PGR: variants seen among roughly 807,000 people sequenced by gnomAD.
The protein encoded by PGR is progesterone receptor.
PGR carries 25 observed loss-of-function variants against 76.1 expected under a neutral mutation model. That is an observed-to-expected ratio of 0.33 (90% CI 0.24 to 0.46). The LOEUF (loss-of-function observed/expected upper bound fraction) is 0.46. Among genes scored for constraint, PGR ranks in the 20% least tolerant of loss-of-function variants. The pLI is 1.00. For synonymous variants in PGR, 579 were observed against 535.0 expected, an observed-to-expected ratio of 1.08 and a Z score of -1.14; for missense variants, 1,172 against 1,225.3, an observed-to-expected ratio of 0.96 and a Z score of 0.65.
At chr11:101,103,190 T>C (rs1012505210) in intron 2 of PGR, among the ~76,000 whole-genome samples, 6 of 151,928 alleles carry the variant, frequency 3.9e-5, no homozygotes, top group African/African-American at 1.5e-4. Context: ...GTCAGTATGG[T>C]ATGACCCACA....
chr11:101,046,576 A>G (rs2135387000), intron 6 of PGR, among the ~76,000 whole-genome samples: 1 of 151,844 alleles, frequency 6.6e-6, no homozygotes, highest in Middle Eastern at 3.4e-3. Context: ...AAATTATCAA[A>G]GTTTTACTTT....
In PGR at chr11:101,128,016, G is replaced by A. The variant is rs11571148; in HGVS notation, c.1055C>T (p.Pro352Leu). The stretch of plus-strand genomic sequence containing the variant: ...GTCGGGGAAGTCGCCTACAGCGACC[G>A]GGGTGGACGAGGCACAGGGTGAACT... ...PRSSPCASST[P>L]VAVGDFPDCA... Residue 352 changes from proline (P) to leucine (L), a missense_variant, in exon 1 of 8, where the codon CCG becomes CTG. Physicochemically the swap from Pro to Leu is moderately conservative, Grantham distance 98. Transcript: ENST00000325455. 3.1e-6 allele frequency: 5 copies of A among 1,609,658 alleles called. No homozygotes were observed. In the South Asian group the frequency reaches 3.3e-5, roughly 11 times the overall value.
At chr11:101,107,774 T>C (rs1862210642) in intron 2 of PGR, among the ~76,000 whole-genome samples, 1 of 151,784 alleles carries the variant, frequency 6.6e-6, no homozygotes, top group South Asian at 2.1e-4. Flanking sequence ...AACTTCATTA[T>C]TTCTTCAAAT....
intron 3 of PGR, among the ~76,000 whole-genome samples, chr11:101,084,861 T>TA (rs1861438730): frequency 6.6e-6 from 1 of 151,690 alleles, no homozygotes; most frequent in South Asian, 2.1e-4. Flanking sequence ...TTAACAACAG[T>TA]AAAAAAGGAA....
At chr11:101,102,110 G>A (rs903142208) in intron 2 of PGR, among the ~76,000 whole-genome samples, 5 of 152,182 alleles carry the variant, frequency 3.3e-5, no homozygotes, top group Non-Finnish European at 1.5e-5. Context: ...ACAAAAAAAG[G>A]TGGGAGATCT....
At chr11:101,105,499 T>A (rs2135477859) in intron 2 of PGR, among the ~76,000 whole-genome samples, 1 of 149,728 alleles carries the variant, frequency 6.7e-6, no homozygotes, top group Non-Finnish European at 1.5e-5. Context: ...ATATTCCTTT[T>A]TTTTTTTTTT....
At chr11:101,061,755 A>G (rs185783421) in intron 4 of PGR, among the ~76,000 whole-genome samples, 1 of 152,314 alleles carries the variant, frequency 6.6e-6, no homozygotes, top group East Asian at 1.9e-4. Context: ...TAACCAAGTG[A>G]GAATTTCATC....
intron 2 of PGR, among the ~76,000 whole-genome samples, chr11:101,121,267 G>T (rs1418292403): frequency 1.3e-5 from 2 of 152,110 alleles, no homozygotes; most frequent in African/African-American, 4.8e-5. Context: ...TCTTCTCAGA[G>T]CCCAAATATT....
rs1859420351 is a variant in PGR at position 101,033,660 on chromosome 11, T to C, written c.*5456A>G. On this transcript the variant is annotated 3_prime_UTR_variant, in exon 8 of 8. Coordinates refer to ENST00000325455, the MANE Select transcript of PGR (RefSeq NM_000926.4). ...ATTTCTTAATAGAAGTACAGTTTGG[T>C]GGATAGATACTTCAAGGTATAGACT... 5.0e-6 allele frequency: 1 copy of C among 201,480 alleles called. No homozygotes were observed. The highest frequency in any genetic ancestry group is 1.0e-5 in the Non-Finnish European group (1 of 97,952). The allele number at this position is 201,480 out of a possible 1,614,324, so 12.5% of individuals were successfully genotyped here. A position where few individuals can be genotyped will look rare whatever the true frequency, so the allele number is the denominator to read the frequency against.
At position 101,128,636 on chromosome 11, in the gene PGR, G is replaced by T; in HGVS notation, c.435C>A (p.Pro145=). 1 of 1,589,166 alleles carries T rather than the reference G, an allele frequency of 6.3e-7. No homozygotes were observed. The change falls in exon 1 of 8, where the codon CCC becomes CCA. Residue 145 remains proline (P), a synonymous_variant. Transcript: ENST00000325455. The part of the protein sequence containing the change: ...EVTSSWCLFG[P]ELPEDPPAAP... ...CAGCCGGTGGATCTTCGGGAAGTTC[G>T]GGGCCAAACAGGCACCAAGAGCTGG... is the stretch of plus-strand genomic sequence containing the variant.
rs142172258 is a variant in PGR at position 101,081,769 on chromosome 11, T to C, written c.1906+9991A>G. Among the ~76,000 whole-genome samples the C allele has an allele frequency of 9.4e-4, 143 of 152,270 alleles. 1 individual carries two copies. Among genetic ancestry groups the C allele is most frequent in the Non-Finnish European group, 1.8e-3 (120 of 68,022 alleles). ...GATCCTTACATGGGAGTTCTAAACA[T>C]GGAAGCAAAAGAACCATACCTGCTT... On this transcript the variant is annotated intron_variant, in intron 3 of 7. Transcript: ENST00000325455.
Position 101,032,732 on chromosome 11 carries a change from T to C in PGR, c.*6384A>G, listed in dbSNP as rs1388934494. ...GTGCTCCTCTTAGGTGCTCCAATAGTTCCCTGTACTTCCTCCAGCATAAGC... is the reference window on the plus strand; with the variant it reads ...GTGCTCCTCTTAGGTGCTCCAATAGCTCCCTGTACTTCCTCCAGCATAAGC... On this transcript the variant is annotated 3_prime_UTR_variant, in exon 8 of 8. Transcript: ENST00000325455. The C allele has an allele frequency of 1.5e-5, 3 of 202,814 alleles. No individual in the cohort carries two copies. The highest frequency in any genetic ancestry group is 3.0e-5 in the Non-Finnish European group (3 of 98,822). 12.6% of individuals were successfully genotyped at this position (202,814 alleles called of 1,614,324 possible).
At chr11:101,052,158 A>G (rs1860112426) in intron 4 of PGR, among the ~76,000 whole-genome samples, 1 of 152,150 alleles carries the variant, frequency 6.6e-6, no homozygotes, top group African/African-American at 2.4e-5. Flanking sequence ...ATTTTCTTTT[A>G]ACAACCCTTA....
Position 101,050,076 on chromosome 11 carries a change from T to C in PGR, c.2358-17A>G. 1 of 1,611,344 alleles carries C rather than the reference T, an allele frequency of 6.2e-7. No individual in the cohort carries two copies. Among genetic ancestry groups the C allele is most frequent in the Non-Finnish European group, 8.5e-7 (1 of 1,178,478 alleles). ...ATCCGCTGTCTTGCATCACACACAATACACAAAAGAAAAAGCAACAGGAAA... is the reference window on the plus strand; with the variant it reads ...ATCCGCTGTCTTGCATCACACACAACACACAAAAGAAAAAGCAACAGGAAA... On this transcript the variant is annotated splice_polypyrimidine_tract_variant and intron_variant, in intron 5 of 7. Coordinates refer to ENST00000325455, the MANE Select transcript of PGR (RefSeq NM_000926.4).
At chr11:101,060,970 T>C (rs895326703) in intron 4 of PGR, among the ~76,000 whole-genome samples, 3 of 152,232 alleles carry the variant, frequency 2.0e-5, no homozygotes, top group African/African-American at 7.2e-5. Context: ...CAAGTATAAC[T>C]GGTTATTTTC....
chr11:101,045,935 G>T (rs1324449647), intron 6 of PGR, among the ~76,000 whole-genome samples: 2 of 151,866 alleles, frequency 1.3e-5, no homozygotes, highest in African/African-American at 4.8e-5. Flanking sequence ...GTTCCATAGA[G>T]GCTGTACTAA....
chr11:101,078,340 A>C (rs939952148), intron 3 of PGR, among the ~76,000 whole-genome samples: 1 of 152,234 alleles, frequency 6.6e-6, no homozygotes, highest in Non-Finnish European at 1.5e-5. Context: ...ATTTCAAAGA[A>C]GATAACTATT....
At chr11:101,067,618 A>AAACTC (rs1860764603) in intron 3 of PGR, among the ~76,000 whole-genome samples, 1 of 152,106 alleles carries the variant, frequency 6.6e-6, no homozygotes, top group Non-Finnish European at 1.5e-5. Context: ...TTACCTACAG[A>AAACTC]AACTCTCACA....
At chr11:101,116,948 A>G (rs1279824181) in intron 2 of PGR, among the ~76,000 whole-genome samples, 1 of 152,156 alleles carries the variant, frequency 6.6e-6, no homozygotes, top group Non-Finnish European at 1.5e-5. Context: ...TCTGTAGTAT[A>G]GACAGCTAAC....
Sources: allele counts gnomAD v4.1 joint callset (sites outside exome capture counted in the v4.1 genomes callset), GRCh38; gene constraint gnomAD v4.1.1; transcripts MANE v1.5; gene names NCBI Gene and HGNC (gene_info 2026-07-23, HGNC 2026-07-21).